IMMP2L: variants seen among roughly 807,000 people sequenced by gnomAD.
The protein encoded by IMMP2L is mitochondrial inner membrane protease subunit 2.
In IMMP2L, 18 loss-of-function variants were observed where a neutral mutation model predicts 19.3. That is an observed-to-expected ratio of 0.93 (90% CI 0.64 to 1.38). IMMP2L has a LOEUF of 1.38. IMMP2L is among the 40% of genes most tolerant of loss of function. The pLI, the probability that IMMP2L is intolerant of heterozygous loss-of-function variation, is 0.00. For synonymous variants in IMMP2L, 76 were observed against 73.0 expected, an observed-to-expected ratio of 1.04 and a Z score of -0.21; for missense variants, 233 against 218.2, an observed-to-expected ratio of 1.07 and a Z score of -0.43.
chr7:110,692,437 C>G (rs1793583372), intron 5 of IMMP2L, among the ~76,000 whole-genome samples: 1 of 151,838 alleles, frequency 6.6e-6, no homozygotes, highest in African/African-American at 2.4e-5. Context: ...TCTCAGACTT[C>G]ACAACTACAT....
At chr7:111,009,851 C>T (rs1381000007) in intron 3 of IMMP2L, among the ~76,000 whole-genome samples, 1 of 152,082 alleles carries the variant, frequency 6.6e-6, no homozygotes, top group Non-Finnish European at 1.5e-5. Flanking sequence ...AGAACAAAAG[C>T]ACTGAAGAGA....
chr7:111,019,654 C>T (rs1360810734), intron 3 of IMMP2L, among the ~76,000 whole-genome samples: 3 of 152,090 alleles, frequency 2.0e-5, no homozygotes, highest in African/African-American at 4.8e-5. Flanking sequence ...AAAAGGAACA[C>T]AAAAGAAAGT....
intron 5 of IMMP2L, among the ~76,000 whole-genome samples, chr7:110,751,904 T>C (rs1584721170): frequency 6.6e-6 from 1 of 151,996 alleles, no homozygotes; most frequent in East Asian, 1.9e-4. Context: ...ACCTTTAACT[T>C]CCGAGTGGTT....
intron 3 of IMMP2L, among the ~76,000 whole-genome samples, chr7:111,007,696 TG>T (rs1563154591): frequency 6.6e-6 from 1 of 152,108 alleles, no homozygotes; most frequent in African/African-American, 2.4e-5. Flanking sequence ...TAGACATGCA[TG>T]TATGTCTGTG....
intron 3 of IMMP2L, among the ~76,000 whole-genome samples, chr7:110,964,309 A>G (rs960599484): frequency 1.1e-4 from 16 of 152,104 alleles, no homozygotes; most frequent in African/African-American, 3.6e-4. Flanking sequence ...ATGATAACAT[A>G]CTTCAGTTTT....
At chr7:110,999,501 C>T (rs1823413616) in intron 3 of IMMP2L, among the ~76,000 whole-genome samples, 2 of 150,864 alleles carry the variant, frequency 1.3e-5, no homozygotes, top group African/African-American at 4.9e-5. Context: ...TTTGTATTCT[C>T]TAGTAGTACT....
chr7:111,158,047 T>A (rs1339822112), intron 3 of IMMP2L, among the ~76,000 whole-genome samples: 1 of 151,974 alleles, frequency 6.6e-6, no homozygotes, highest in Non-Finnish European at 1.5e-5. Context: ...AGCACTACAT[T>A]TCTGTCAGAA....
chr7:111,001,191 A>G (rs1190337580), intron 3 of IMMP2L, among the ~76,000 whole-genome samples: 2 of 152,188 alleles, frequency 1.3e-5, no homozygotes, highest in Non-Finnish European at 2.9e-5. Context: ...TAAATCTCCT[A>G]TACAGGTGCT....
chr7:110,674,746 T>A (rs1792172655), intron 5 of IMMP2L, among the ~76,000 whole-genome samples: 1 of 152,198 alleles, frequency 6.6e-6, no homozygotes, highest in South Asian at 2.1e-4. Context: ...ATATCAAAGG[T>A]CCTTCACAGT....
intron 3 of IMMP2L, among the ~76,000 whole-genome samples, chr7:111,012,912 A>G (rs1353130947): frequency 1.3e-5 from 2 of 152,210 alleles, no homozygotes; most frequent in Non-Finnish European, 2.9e-5. Context: ...ATTTGCAATT[A>G]GGAAGAGGAA....
chr7:110,779,043 T>C (rs1799575117), intron 5 of IMMP2L, among the ~76,000 whole-genome samples: 1 of 151,956 alleles, frequency 6.6e-6, no homozygotes, highest in Admixed American at 6.6e-5. Flanking sequence ...TTATTACCTT[T>C]AATTATAAGT....
intron 3 of IMMP2L, among the ~76,000 whole-genome samples, chr7:111,023,642 G>C (rs1450481800): frequency 6.6e-6 from 1 of 152,266 alleles, no homozygotes; most frequent in East Asian, 1.9e-4. Context: ...GGGAGGCAGA[G>C]GTTGCAGTGA....
At chr7:111,446,879 A>T (rs1223798397) in intron 3 of IMMP2L, among the ~76,000 whole-genome samples, 1 of 151,166 alleles carries the variant, frequency 6.6e-6, no homozygotes, top group East Asian at 1.9e-4. Flanking sequence ...GATGGAGCTG[A>T]AAACCAAGGC....
chr7:111,452,422 C>T (rs10282292), intron 3 of IMMP2L, among the ~76,000 whole-genome samples: 98,766 of 151,972 alleles, frequency 0.65, 33,088 homozygotes, highest in African/African-American at 0.8. Flanking sequence ...CTATGAAGCA[C>T]ATGACTCAAA....
In IMMP2L at chr7:111,317,694, C is replaced by G. The variant is rs183089743; in HGVS notation, c.239+169544G>C. 9.8e-4 allele frequency among the ~76,000 whole-genome samples: 149 copies of G among 152,238 alleles called. 1 individual carries two copies. Among genetic ancestry groups the G allele is most frequent in the African/African-American group, 3.2e-3 (135 of 41,554 alleles). On this transcript the variant is annotated intron_variant, in intron 3 of 5. Coordinates refer to ENST00000405709, the MANE Select transcript of IMMP2L (RefSeq NM_032549.4). Reference sequence around the variant, plus strand: ...CCATTATAAGGCTGCTACAAACAATCTGTCAGTTTGATTTCACTTGGTTAG... The same window carrying G: ...CCATTATAAGGCTGCTACAAACAATGTGTCAGTTTGATTTCACTTGGTTAG...
In IMMP2L at chr7:110,663,174, T is replaced by G; in HGVS notation, c.*428A>C. 5.3e-6 allele frequency: 1 copy of G among 188,434 alleles called. No homozygotes were observed. Among genetic ancestry groups the G allele is most frequent in the South Asian group, 9.4e-5 (1 of 10,694 alleles). 11.7% of individuals were successfully genotyped at this position (188,434 alleles called of 1,614,324 possible). A position where few individuals can be genotyped will look rare whatever the true frequency, so the allele number is the denominator to read the frequency against. ...CATTATGTGTATAATATGTGTTCCT[T>G]CTTGTTCTACCTTAACAGCAAGTGA... On this transcript the variant is annotated 3_prime_UTR_variant, in exon 6 of 6. Transcript: ENST00000405709.
At chr7:111,116,868 T>C (rs73420006) in intron 3 of IMMP2L, among the ~76,000 whole-genome samples, 3,470 of 152,192 alleles carry the variant, frequency 0.023, 124 homozygotes, top group African/African-American at 0.079. Context: ...GTTTTAAAAA[T>C]AAACATTTGA....
intron 5 of IMMP2L, among the ~76,000 whole-genome samples, chr7:110,882,007 G>A (rs1809687739): frequency 6.6e-6 from 1 of 152,100 alleles, no homozygotes; most frequent in African/African-American, 2.4e-5. Flanking sequence ...TAGAGTATTT[G>A]CTACAATGTG....
intron 1 of IMMP2L, among the ~76,000 whole-genome samples, chr7:111,547,612 G>A (rs1849057014): frequency 1.3e-5 from 2 of 151,236 alleles, no homozygotes; most frequent in African/African-American, 4.9e-5. Context: ...CTGGAGTACA[G>A]TGGTGTGATT....
Sources: gnomAD v4.1 joint callset for allele counts (sites outside exome capture counted in the v4.1 genomes callset) on GRCh38, gnomAD v4.1.1 for gene constraint, MANE v1.5 for transcripts, NCBI Gene and HGNC (gene_info 2026-07-23, HGNC 2026-07-21) for gene names.